The following DSCAML1 variants were observed in gnomAD, a reference collection of about 807,000 sequenced individuals.
DSCAML1 encodes DS cell adhesion molecule like 1.
DSCAML1 carries 38 observed loss-of-function variants against 200.5 expected under a neutral mutation model. The ratio of observed to expected loss-of-function variants is 0.19; its 90% confidence interval spans 0.15 to 0.25. DSCAML1 has a LOEUF of 0.25. DSCAML1 is among the 10% of genes least tolerant of loss of function. DSCAML1 has a pLI of 1.00. For missense variants in DSCAML1, 2,223 were observed against 2,858.8 expected (o/e 0.78, Z 5.07); for synonymous variants, 1,215 against 1,165.0 (o/e 1.04, Z -0.87).
intron 3 of DSCAML1, among the ~76,000 whole-genome samples, chr11:117,542,234 A>C (rs2050282063): frequency 6.6e-6 from 1 of 152,160 alleles, no homozygotes; most frequent in African/African-American, 2.4e-5. Context: ...GCTTGAATCC[A>C]GCAGTGAGCC....
At chr11:117,806,623 A>G (rs2055709009) in intron 1 of DSCAML1, among the ~76,000 whole-genome samples, 1 of 152,244 alleles carries the variant, frequency 6.6e-6, no homozygotes, top group South Asian at 2.1e-4. Context: ...TATGATTATT[A>G]TCATCCCCAT....
At chr11:117,470,684 G>A (rs2048668567) in intron 15 of DSCAML1, among the ~76,000 whole-genome samples, 1 of 152,196 alleles carries the variant, frequency 6.6e-6, no homozygotes, top group Non-Finnish European at 1.5e-5. Flanking sequence ...ATACAGGAAT[G>A]CTTATAGCAG....
intron 3 of DSCAML1, among the ~76,000 whole-genome samples, chr11:117,764,998 C>T (rs767506428): frequency 6.6e-6 from 1 of 152,228 alleles, no homozygotes; most frequent in Non-Finnish European, 1.5e-5. Context: ...TCTCCCATTC[C>T]GTTGTCTGCT....
At chr11:117,646,664 C>T (rs1018367007) in intron 3 of DSCAML1, among the ~76,000 whole-genome samples, 1 of 152,256 alleles carries the variant, frequency 6.6e-6, no homozygotes, top group South Asian at 2.1e-4. Context: ...TTAGTGACAT[C>T]GTGTTGGTAG....
chr11:117,604,541 A>G (rs1343049517), intron 3 of DSCAML1, among the ~76,000 whole-genome samples: 1 of 152,132 alleles, frequency 6.6e-6, no homozygotes, highest in Non-Finnish European at 1.5e-5. Context: ...TTTTGAAGGA[A>G]TTCTCTCTCG....
At chr11:117,457,874 C>T (rs1379875930) in intron 19 of DSCAML1, among the ~76,000 whole-genome samples, 1 of 152,230 alleles carries the variant, frequency 6.6e-6, no homozygotes, top group Admixed American at 6.5e-5. Context: ...GAAAGGAAGC[C>T]ACCATGCCAA....
chr11:117,640,331 C>G (rs554887640), intron 3 of DSCAML1, among the ~76,000 whole-genome samples: 1 of 152,312 alleles, frequency 6.6e-6, no homozygotes, highest in East Asian at 1.9e-4. Flanking sequence ...CTGGGAGAAC[C>G]CTGACACCCT....
At chr11:117,473,668 C>T (rs1229763341) in intron 14 of DSCAML1, among the ~76,000 whole-genome samples, 11 of 152,202 alleles carry the variant, frequency 7.2e-5, no homozygotes, top group Non-Finnish European at 1.6e-4. Context: ...CTGTGAAGGG[C>T]ACCGGCCCAG....
At chr11:117,576,120 T>A (rs1239596098) in intron 3 of DSCAML1, among the ~76,000 whole-genome samples, 1 of 152,034 alleles carries the variant, frequency 6.6e-6, no homozygotes, top group Non-Finnish European at 1.5e-5. Context: ...TCCCATCAGC[T>A]CCCTGTGATG....
intron 16 of DSCAML1, among the ~76,000 whole-genome samples, chr11:117,467,329 T>C (rs2048604031): frequency 6.6e-6 from 1 of 151,890 alleles, no homozygotes. Context: ...AAATAGAAAC[T>C]GGCTCCTTTA....
chr11:117,718,674 C>T (rs201363898), intron 3 of DSCAML1, among the ~76,000 whole-genome samples: 4,572 of 66,016 alleles, frequency 0.069, 1,097 homozygotes, highest in East Asian at 0.36. Flanking sequence ...CAAAACCCCC[C>T]CCCCCCCCCA....
intron 3 of DSCAML1, among the ~76,000 whole-genome samples, chr11:117,548,346 A>C (rs1322953291): frequency 6.6e-6 from 1 of 152,246 alleles, no homozygotes; most frequent in East Asian, 1.9e-4. Flanking sequence ...GTCCAAATCC[A>C]GAGCCAGACT....
chr11:117,518,343 G>A lies in DSCAML1; in HGVS notation c.1510+123C>T, dbSNP rs1035189886. On this transcript the variant is annotated intron_variant, in intron 7 of 32. Transcript: ENST00000651296. This position sits in a 1 kb window ranked among gnomAD's most constrained non-coding sequence, Gnocchi z 6.3. ...AAAAGGGGACGAGAGAGGGGAGAGAGACCTCTACTAAAATCAAAATGACGA... is the reference window on the plus strand; with the variant it reads ...AAAAGGGGACGAGAGAGGGGAGAGAAACCTCTACTAAAATCAAAATGACGA... The A allele has an allele frequency of 7.5e-7, 1 of 1,333,086 alleles. No individual in the cohort carries two copies. Among genetic ancestry groups the A allele is most frequent in the African/African-American group, 1.4e-5 (1 of 69,176 alleles). The allele number at this position is 1,333,086 out of a possible 1,614,324, so 82.6% of individuals were successfully genotyped here.
intron 3 of DSCAML1, among the ~76,000 whole-genome samples, chr11:117,608,387 A>G (rs1378197821): frequency 6.6e-6 from 1 of 152,236 alleles, no homozygotes; most frequent in Non-Finnish European, 1.5e-5. Flanking sequence ...ATTGAAACCC[A>G]CAATCCAACC....
intron 3 of DSCAML1, among the ~76,000 whole-genome samples, chr11:117,718,799 T>C (rs1052065545): frequency 1.3e-5 from 2 of 151,902 alleles, no homozygotes; most frequent in Non-Finnish European, 2.9e-5. Context: ...ACAATGATGA[T>C]TACTTGTTAA....
At position 117,518,667 on chromosome 11, in the gene DSCAML1, G is replaced by T. The variant is rs1460426419; in HGVS notation, c.1309C>A (p.Pro437Thr). The change falls in exon 7 of 33, where the codon CCC becomes ACC. Residue 437 changes from proline to threonine, a missense_variant. Pro to Thr is a conservative substitution (Grantham distance 38). Coordinates refer to ENST00000651296, the MANE Select transcript of DSCAML1 (RefSeq NM_020693.4). This position sits in a 1 kb window ranked among gnomAD's most constrained non-coding sequence, Gnocchi z 6.3. ...TCGTCGAGGGCCCAGGTGACCGTGG[G>T]GGGCGGGGCGCCCTTGGCCGCACAC... ...LMCAAKGAPPPTVTWALDDEP... is the reference protein window; with the variant it reads ...LMCAAKGAPPTTVTWALDDEP... The T allele has an allele frequency of 6.2e-7, 1 of 1,613,338 alleles. No homozygotes were observed. Among genetic ancestry groups the T allele is most frequent in the Non-Finnish European group, 8.5e-7 (1 of 1,179,946 alleles).
At chr11:117,756,887 TG>T (rs1310085371) in intron 3 of DSCAML1, among the ~76,000 whole-genome samples, 3 of 152,162 alleles carry the variant, frequency 2.0e-5, no homozygotes, top group Non-Finnish European at 4.4e-5. Flanking sequence ...GCTCCCTGGA[TG>T]AACTCAGATC....
chr11:117,518,084 C>T lies in DSCAML1; in HGVS notation c.1510+382G>A, dbSNP rs4938396. Among the ~76,000 whole-genome samples the T allele has an allele frequency of 7.9e-5, 12 of 152,228 alleles. No homozygotes were observed. The highest frequency in any genetic ancestry group is 2.0e-4 in the Admixed American group (3 of 15,286). On this transcript the variant is annotated intron_variant, in intron 7 of 32. Coordinates refer to ENST00000651296, the MANE Select transcript of DSCAML1 (RefSeq NM_020693.4). This position sits in a 1 kb window ranked among gnomAD's most constrained non-coding sequence, Gnocchi z 6.3. ...GCCTGGTCCCCAGCCCCTGCACTGT[C>T]TTGCCCTTACAAGGCCCTGGTGGGG...
intron 3 of DSCAML1, among the ~76,000 whole-genome samples, chr11:117,727,748 G>C (rs2054157815): frequency 6.6e-6 from 1 of 152,202 alleles, no homozygotes; most frequent in African/African-American, 2.4e-5. Flanking sequence ...AAGAATGGGA[G>C]CACAGGCGAG....
Sources: allele counts gnomAD v4.1 joint callset (sites outside exome capture counted in the v4.1 genomes callset), GRCh38; gene constraint gnomAD v4.1.1; non-coding constraint Gnocchi (gnomAD v3.1); transcripts MANE v1.5; gene names NCBI Gene and HGNC (gene_info 2026-07-23, HGNC 2026-07-21).